The following SYNPO2 variants were observed in gnomAD, a reference collection of about 807,000 sequenced individuals.
The protein encoded by SYNPO2 is synaptopodin 2.
In SYNPO2, 56 loss-of-function variants were observed where a neutral mutation model predicts 85.0. That is an observed-to-expected ratio of 0.66 (90% confidence interval 0.53 to 0.82). SYNPO2 has a LOEUF of 0.82. SYNPO2 is among the 40% of genes least tolerant of loss of function. SYNPO2 has a pLI of 0.00. For missense variants in SYNPO2, 1,575 were observed against 1,534.2 expected (o/e 1.03, Z -0.44); for synonymous variants, 602 against 591.1 (o/e 1.02, Z -0.27).
At chr4:119,027,519 C>G (rs1738023815) in intron 3 of SYNPO2, 81 bp downstream of exon 3, 1 of 1,278,180 alleles carries the variant, frequency 7.8e-7, no homozygotes, top group Non-Finnish European at 1.0e-6. Flanking sequence ...AGTTTTTCAG[C>G]AAGATTTTTC....
chr4:118,912,233 G>A (rs1560855440), intron 1 of SYNPO2, among the ~76,000 whole-genome samples: 1 of 152,206 alleles, frequency 6.6e-6, no homozygotes, highest in Non-Finnish European at 1.5e-5. Context: ...CCAGGCCGGA[G>A]TGCAGTAGAG....
At chr4:118,891,371 T>G (rs1732375694) in intron 1 of SYNPO2, among the ~76,000 whole-genome samples, 1 of 152,192 alleles carries the variant, frequency 6.6e-6, no homozygotes, top group Non-Finnish European at 1.5e-5. Flanking sequence ...CAGACTGTAG[T>G]CTACAGTCTA....
chr4:118,857,129 T>C (rs17325129), intron 1 of SYNPO2, among the ~76,000 whole-genome samples: 6,261 of 152,214 alleles, frequency 0.041, 198 homozygotes, highest in Non-Finnish European at 0.064. Flanking sequence ...ACTCAGCAAT[T>C]GCCACAGGAT....
chr4:119,029,969 G>A lies in SYNPO2; in HGVS notation c.1194G>A (p.Lys398=), dbSNP rs1287262690. ...NPNSKGVLMF[K]KRRRRARKYT... is the part of the protein sequence containing the mutation. ...ACTCCAAGGGGGTGTTGATGTTTAA[G>A]AAGCGACGTCGGAGGGCCAGGAAAT... The change falls in exon 4 of 5, where the codon AAG becomes AAA. Residue 398 remains lysine, a synonymous_variant. Coordinates refer to ENST00000307142, the MANE Select transcript of SYNPO2 (RefSeq NM_133477.3). 8 of 1,614,126 alleles carry A rather than the reference G, an allele frequency of 5.0e-6. No individual in the cohort carries two copies. The highest frequency in any genetic ancestry group is 5.9e-6 in the Non-Finnish European group (7 of 1,180,030).
chr4:119,034,468 G>T, intron 4 of SYNPO2: 1 of 985,402 alleles, frequency 1.0e-6, no homozygotes, highest in Non-Finnish European at 1.2e-6. Flanking sequence ...AACTAAAGAT[G>T]CAAATAACAT....
intron 1 of SYNPO2, among the ~76,000 whole-genome samples, chr4:118,970,720 C>G (rs1317414762): frequency 3.3e-5 from 5 of 152,138 alleles, no homozygotes; most frequent in African/African-American, 1.2e-4. Flanking sequence ...ACTCTAGAAC[C>G]AAGGTGGGTG....
In SYNPO2 at chr4:118,888,946, C is replaced by A; in HGVS notation, c.-91C>A. 1 of 1,316,068 alleles carries A rather than the reference C, an allele frequency of 7.6e-7. No individual in the cohort carries two copies. The highest frequency in any genetic ancestry group is 1.1e-6 in the Non-Finnish European group (1 of 916,870). The allele number at this position is 1,316,068 out of a possible 1,614,324, so 81.5% of individuals were successfully genotyped here. A position where few individuals can be genotyped will look rare whatever the true frequency, so the allele number is the denominator to read the frequency against. The stretch of plus-strand genomic sequence containing the variant: ...GCATTACCCAGTCTTGCGTCCTCGG[C>A]AGGCGCCCGAAGCTGAGTGCGCATC... On this transcript the variant is annotated 5_prime_UTR_variant, in exon 1 of 5. Transcript: ENST00000307142.
chr4:118,906,643 G>C (rs1732946421), intron 1 of SYNPO2, among the ~76,000 whole-genome samples: 1 of 151,762 alleles, frequency 6.6e-6, no homozygotes, highest in Admixed American at 6.6e-5. Flanking sequence ...TATTGTTTGG[G>C]GATTTTATTT....
chr4:118,976,787 G>C (rs13117365), intron 1 of SYNPO2, among the ~76,000 whole-genome samples: 21,795 of 151,426 alleles, frequency 0.14, 1,799 homozygotes, highest in East Asian at 0.28. Flanking sequence ...ACAGAATGCC[G>C]ATTGGTGTAT....
At chr4:118,943,067 A>G (rs572868535) in intron 1 of SYNPO2, among the ~76,000 whole-genome samples, 1 of 151,904 alleles carries the variant, frequency 6.6e-6, no homozygotes, top group East Asian at 1.9e-4. Context: ...AGATCATGCC[A>G]CTGCACTCCA....
At chr4:119,034,212 A>T (rs1310045316) in intron 4 of SYNPO2, 1 of 985,466 alleles carries the variant, frequency 1.0e-6, no homozygotes, top group Non-Finnish European at 1.2e-6. Context: ...GCAGCAGGAA[A>T]AAAGATCATT....
chr4:118,923,888 C>CA (rs35102295), intron 1 of SYNPO2, among the ~76,000 whole-genome samples: 13,872 of 128,718 alleles, frequency 0.11, 774 homozygotes, highest in Non-Finnish European at 0.14. Flanking sequence ...AGACTGCACT[C>CA]AAAAAAAAAA....
At chr4:118,996,814 G>A (rs556424375) in intron 1 of SYNPO2, among the ~76,000 whole-genome samples, 22 of 147,806 alleles carry the variant, frequency 1.5e-4, no homozygotes, top group Admixed American at 5.4e-4. Context: ...CTGAGATCGC[G>A]CCACTGCACT....
chr4:119,032,929 T>TTGGGC, intron 4 of SYNPO2: 7 of 905,308 alleles, frequency 7.7e-6, no homozygotes, highest in Non-Finnish European at 7.9e-6. Flanking sequence ...AAAGGTTGAT[T>TTGGGC]CCCACCCTCC....
At chr4:118,871,093 A>C (rs2110572158) in intron 1 of SYNPO2, among the ~76,000 whole-genome samples, 2 of 152,280 alleles carry the variant, frequency 1.3e-5, no homozygotes, top group East Asian at 3.9e-4. Context: ...ATGTATACCC[A>C]GCACCTTGTT....
intron 1 of SYNPO2, among the ~76,000 whole-genome samples, chr4:118,897,168 C>G (rs527444051): frequency 8.5e-5 from 13 of 152,122 alleles, no homozygotes; most frequent in Non-Finnish European, 1.8e-4. Context: ...AAGGCACATC[C>G]TACATGGCAT....
At chr4:118,984,160 G>A (rs1260577507) in intron 1 of SYNPO2, among the ~76,000 whole-genome samples, 5 of 152,026 alleles carry the variant, frequency 3.3e-5, no homozygotes, top group Admixed American at 1.3e-4. Context: ...CCAATATTTG[G>A]CCATTAGCTA....
chr4:118,970,754 C>T (rs1735510184), intron 1 of SYNPO2, among the ~76,000 whole-genome samples: 1 of 152,194 alleles, frequency 6.6e-6, no homozygotes, highest in Non-Finnish European at 1.5e-5. Flanking sequence ...ACCACATAGG[C>T]TTTCTAAAGG....
rs1388758328 is a variant in SYNPO2, at chr4:119,030,905, C to T, written c.2130C>T (p.Leu710=). 2 of 1,614,068 alleles carry T rather than the reference C, an allele frequency of 1.2e-6. No individual in the cohort carries two copies. Among genetic ancestry groups the T allele is most frequent in the African/African-American group, 1.3e-5 (1 of 74,916 alleles). The change falls in exon 4 of 5, where the codon CTC becomes CTT. Residue 710 remains leucine (L), a synonymous_variant. Transcript: ENST00000307142. The stretch of plus-strand genomic sequence containing the variant: ...CCAAAGTAAGCCCAAATCCTGAACT[C>T]TTGTCACTCCTTCAAAATTCAGAAG... The part of the protein sequence containing the change: ...KEPKVSPNPE[L]LSLLQNSEGK...
Sources: allele counts gnomAD v4.1 joint callset (sites outside exome capture counted in the v4.1 genomes callset), GRCh38; gene constraint gnomAD v4.1.1; transcripts MANE v1.5; gene names NCBI Gene and HGNC (gene_info 2026-07-23, HGNC 2026-07-21).